Variants in ZNF407 observed in about 807,000 individuals in gnomAD.
The protein encoded by ZNF407 is zinc finger protein 407.
A neutral mutation model predicts 131.2 loss-of-function variants in ZNF407; 17 were observed. The observed-to-expected ratio is 0.13, with a 90% CI of 0.09 to 0.19. The LOEUF (loss-of-function observed/expected upper bound fraction) is 0.19, where lower values mean the gene tolerates loss of function less well. Ranked by LOEUF, ZNF407 falls within the 10% of genes least tolerant of loss-of-function variation. The pLI, the probability that ZNF407 is intolerant of heterozygous loss-of-function variation, is 1.00. For synonymous variants in ZNF407, 1,156 were observed against 1,062.0 expected (o/e 1.09, Z -1.72); for missense variants, 2,681 against 2,830.6 (o/e 0.95, Z 1.20).
At chr18:75,031,939 TAC>T (rs1028538332) in intron 8 of ZNF407, among the ~76,000 whole-genome samples, 6 of 152,332 alleles carry the variant, frequency 3.9e-5, no homozygotes, top group Non-Finnish European at 7.3e-5. Flanking sequence ...GAAAACATGT[TAC>T]CCTTGGCAAA....
intron 8 of ZNF407, among the ~76,000 whole-genome samples, chr18:74,996,448 T>G (rs1169841550): frequency 1.3e-5 from 2 of 152,254 alleles, no homozygotes; most frequent in African/African-American, 4.8e-5. Flanking sequence ...GGATGTGTTT[T>G]TATTTTAAAA....
Position 75,043,093 on chromosome 18 carries a change from T to C in ZNF407, c.5429-20057T>C, listed in dbSNP as rs1411108211. On this transcript the variant is annotated intron_variant, in intron 8 of 8. Coordinates refer to ENST00000299687, the MANE Select transcript of ZNF407 (RefSeq NM_017757.3). ...ATGTGGTGAGAAATTGCCAACAAACTGTTTTCCACCATGGCTGTGCCATTT... is the reference window on the plus strand; with the variant it reads ...ATGTGGTGAGAAATTGCCAACAAACCGTTTTCCACCATGGCTGTGCCATTT... Among the ~76,000 whole-genome samples, 11 of 152,192 alleles carry C rather than the reference T, an allele frequency of 7.2e-5. 1 individual carries two copies. The South Asian group carries it at 2.3e-3, about 31-fold the overall frequency.
intron 4 of ZNF407, among the ~76,000 whole-genome samples, chr18:74,856,379 A>G (rs1970859418): frequency 6.6e-6 from 1 of 152,222 alleles, no homozygotes; most frequent in Admixed American, 6.5e-5. Context: ...CACGCTATAA[A>G]TTCCTGTGAA....
In ZNF407 at chr18:74,688,376, A is replaced by G. The variant is rs536936747; in HGVS notation, c.4802+47254A>G. Among the ~76,000 whole-genome samples, 208 of 152,362 alleles carry G rather than the reference A, an allele frequency of 1.4e-3. 1 individual carries two copies. Among genetic ancestry groups the G allele is most frequent in the African/African-American group, 4.6e-3 (192 of 41,590 alleles). On this transcript the variant is annotated intron_variant, in intron 3 of 8. Coordinates refer to ENST00000299687, the MANE Select transcript of ZNF407 (RefSeq NM_017757.3). ...GATGCATTGGATATAGGAGCCTAAC[A>G]GATATCTATGGGAACATCTCAGCTC...
At chr18:74,774,732 T>C (rs1177836841) in intron 3 of ZNF407, among the ~76,000 whole-genome samples, 1 of 152,132 alleles carries the variant, frequency 6.6e-6, no homozygotes, top group Non-Finnish European at 1.5e-5. Context: ...CGAAACACAG[T>C]GAGTGTGTCT....
intron 8 of ZNF407, among the ~76,000 whole-genome samples, chr18:75,025,512 G>A (rs1347030030): frequency 1.3e-5 from 2 of 152,280 alleles, no homozygotes; most frequent in Non-Finnish European, 2.9e-5. Flanking sequence ...GTTGATTTTG[G>A]AGGAGCAGGT....
chr18:74,628,086 A>G (rs1376613533), intron 1 of ZNF407, among the ~76,000 whole-genome samples: 1 of 151,990 alleles, frequency 6.6e-6, no homozygotes, highest in Non-Finnish European at 1.5e-5. Flanking sequence ...ATGTTTTTTC[A>G]CTTAAAACAG....
At chr18:74,883,176 G>A (rs1193832367) in intron 6 of ZNF407, among the ~76,000 whole-genome samples, 1 of 152,196 alleles carries the variant, frequency 6.6e-6, no homozygotes, top group Non-Finnish European at 1.5e-5. Context: ...AGAGGTATCT[G>A]TCTTTTTGGC....
intron 8 of ZNF407, among the ~76,000 whole-genome samples, chr18:75,038,865 ACT>A (rs1227399867): frequency 6.6e-6 from 1 of 152,140 alleles, no homozygotes; most frequent in Non-Finnish European, 1.5e-5. Context: ...TGTCAAGAAA[ACT>A]CTGAATAAAC....
intron 3 of ZNF407, among the ~76,000 whole-genome samples, chr18:74,768,050 T>C (rs1969281735): frequency 6.6e-6 from 1 of 152,172 alleles, no homozygotes; most frequent in Non-Finnish European, 1.5e-5. Context: ...GTACCTTCAA[T>C]TCATTTTCAC....
At chr18:74,872,307 T>G (rs1971098364) in intron 4 of ZNF407, among the ~76,000 whole-genome samples, 1 of 152,128 alleles carries the variant, frequency 6.6e-6, no homozygotes, top group South Asian at 2.1e-4. Flanking sequence ...ACCCAACTTG[T>G]TTTTTAATAC....
intron 8 of ZNF407, among the ~76,000 whole-genome samples, chr18:74,927,571 C>T (rs996513907): frequency 1.3e-5 from 2 of 152,170 alleles, no homozygotes; most frequent in Non-Finnish European, 2.9e-5. Flanking sequence ...AACTTTGAGC[C>T]AGTCACTCAA....
intron 3 of ZNF407, among the ~76,000 whole-genome samples, chr18:74,686,691 C>T (rs935303508): frequency 6.6e-6 from 1 of 152,150 alleles, no homozygotes; most frequent in African/African-American, 2.4e-5. Flanking sequence ...AGATTGTAAA[C>T]CACTGTTTCT....
chr18:74,663,970 C>T (rs527337743), intron 3 of ZNF407, among the ~76,000 whole-genome samples: 5 of 152,302 alleles, frequency 3.3e-5, no homozygotes, highest in Admixed American at 3.3e-4. Context: ...CCATAAGATG[C>T]TGTGCCACAA....
intron 3 of ZNF407, among the ~76,000 whole-genome samples, chr18:74,716,480 A>G (rs888467644): frequency 8.5e-5 from 13 of 152,170 alleles, no homozygotes; most frequent in Non-Finnish European, 1.5e-5. Flanking sequence ...GGAGTCAGTG[A>G]CACCCTGTGA....
chr18:74,642,009 C>T (rs950840297), intron 3 of ZNF407, among the ~76,000 whole-genome samples: 1 of 92,358 alleles, frequency 1.1e-5, no homozygotes, highest in Non-Finnish European at 2.1e-5. Flanking sequence ...GCAACTTGCA[C>T]ATATTATATT....
intron 1 of ZNF407, among the ~76,000 whole-genome samples, chr18:74,617,860 C>G (rs1014361695): frequency 3.5e-4 from 54 of 152,318 alleles, no homozygotes; most frequent in African/African-American, 1.3e-3. Flanking sequence ...AAAACGCCCC[C>G]CCTAGATTTG....
chr18:74,848,248 C>G (rs187716978), intron 4 of ZNF407, among the ~76,000 whole-genome samples: 1 of 152,016 alleles, frequency 6.6e-6, no homozygotes, highest in Admixed American at 6.6e-5. Context: ...TTGCTTGTTG[C>G]GCCACATTTC....
intron 8 of ZNF407, among the ~76,000 whole-genome samples, chr18:75,045,107 T>C (rs1200395652): frequency 7.0e-6 from 1 of 143,840 alleles, no homozygotes; most frequent in Non-Finnish European, 1.5e-5. Flanking sequence ...GGGGTGTGTG[T>C]GCTTGGGTGT....
Sources: allele counts gnomAD v4.1 joint callset (sites outside exome capture counted in the v4.1 genomes callset), GRCh38; gene constraint gnomAD v4.1.1; transcripts MANE v1.5; gene names NCBI Gene and HGNC (gene_info 2026-07-23, HGNC 2026-07-21).